RIC3: variants seen among roughly 807,000 people sequenced by gnomAD.
The protein encoded by RIC3 is protein RIC-3.
RIC3 carries 28 observed loss-of-function variants against 27.3 expected under a neutral mutation model. The observed-to-expected ratio is 1.02, with a 90% CI of 0.76 to 1.41. The LOEUF (loss-of-function observed/expected upper bound fraction) is 1.41. Among genes scored for constraint, RIC3 ranks in the 40% most tolerant of loss-of-function variants. The probability of loss-of-function intolerance (pLI) is 0.00; values close to 1 mark genes in which losing one functional copy is unlikely to be tolerated. For missense variants in RIC3, 501 were observed against 444.7 expected (o/e 1.13, Z -1.14); for synonymous variants, 184 against 160.4 (o/e 1.15, Z -1.11).
At chr11:8,145,341 T>C (rs1245204015) in intron 1 of RIC3, among the ~76,000 whole-genome samples, 1 of 152,120 alleles carries the variant, frequency 6.6e-6, no homozygotes, top group African/African-American at 2.4e-5. Flanking sequence ...ATAAGGTTTT[T>C]TCTTTGTTTT....
At chr11:8,098,737 C>T in the RIC3 span, 2 of 1,573,642 alleles carry the variant, frequency 1.3e-6, no homozygotes, top group Non-Finnish European at 8.7e-7. Flanking sequence ...TGACTCTATA[C>T]TGATTGTGCC....
intron 5 of RIC3, among the ~76,000 whole-genome samples, chr11:8,118,922 A>C (rs1946166258): frequency 6.6e-6 from 1 of 152,094 alleles, no homozygotes; most frequent in African/African-American, 2.4e-5. Context: ...CTGAAAACCA[A>C]ATTAGTATAT....
At chr11:8,105,269 A>G (rs1195149356), downstream of RIC3, 1 of 152,220 alleles carries the variant, frequency 6.6e-6, no homozygotes, top group Non-Finnish European at 1.5e-5. Context: ...ACTTCTCCAG[A>G]TAGCTGAATG....
downstream of RIC3, chr11:8,101,890 T>C (rs184942368): frequency 5.7e-4 from 272 of 479,184 alleles, no homozygotes; most frequent in Admixed American, 8.9e-4. Context: ...ACCCTTGGGG[T>C]AGTAGTGTGT....
chr11:8,158,372 C>T (rs1950864936), intron 1 of RIC3, among the ~76,000 whole-genome samples: 1 of 152,076 alleles, frequency 6.6e-6, no homozygotes, highest in Admixed American at 6.5e-5. Context: ...TGCCCAGATA[C>T]AGTGTTACTG....
intron 4 of RIC3, among the ~76,000 whole-genome samples, chr11:8,129,149 T>C (rs1319909868): frequency 1.3e-5 from 2 of 151,980 alleles, no homozygotes; most frequent in East Asian, 2.0e-4. Flanking sequence ...CCATAGACCA[T>C]CCTCTGCTTG....
chr11:8,165,765 G>T (rs1951627478), intron 1 of RIC3, among the ~76,000 whole-genome samples: 1 of 140,748 alleles, frequency 7.1e-6, no homozygotes, highest in African/African-American at 2.7e-5. Flanking sequence ...TGTTTTTTGG[G>T]GTTTTTTTTT....
chr11:8,162,684 C>A (rs1324434469), intron 1 of RIC3, among the ~76,000 whole-genome samples: 1 of 122,234 alleles, frequency 8.2e-6, no homozygotes, highest in Admixed American at 1.0e-4. Flanking sequence ...CTCACTCTGT[C>A]GCCCAGGCTG....
chr11:8,104,894 G>A (rs947763020), downstream of RIC3: 1 of 150,128 alleles, frequency 6.7e-6, no homozygotes, highest in Non-Finnish European at 1.5e-5. Flanking sequence ...CTCCTTCAGT[G>A]ACAAGTAGGG....
the RIC3 span, chr11:8,100,875 T>C: frequency 6.2e-7 from 1 of 1,614,064 alleles, no homozygotes. Flanking sequence ...ACGGAGAGTA[T>C]CATCGAGCTG....
chr11:8,152,375 A>G (rs1011370087), intron 1 of RIC3, among the ~76,000 whole-genome samples: 5 of 152,240 alleles, frequency 3.3e-5, no homozygotes, highest in Non-Finnish European at 7.3e-5. Context: ...ACAACACAGT[A>G]TTATCCAGCC....
At chr11:8,138,754 C>T in intron 2 of RIC3, 1 of 221,994 alleles carries the variant, frequency 4.5e-6, no homozygotes, top group Non-Finnish European at 8.5e-6. Context: ...CTTGTCAAAG[C>T]AAGCATGAGG....
chr11:8,133,189 G>A (rs773481658), intron 4 of RIC3, among the ~76,000 whole-genome samples: 6 of 152,060 alleles, frequency 3.9e-5, no homozygotes, highest in South Asian at 2.1e-4. Flanking sequence ...TTGCCCTTCC[G>A]CCTTTCCACC....
At chr11:8,103,088 C>G (rs777558593), downstream of RIC3, 1 of 152,216 alleles carries the variant, frequency 6.6e-6, no homozygotes, top group Non-Finnish European at 1.5e-5. Context: ...CTGGCCCCTC[C>G]GCGAGGGCTA....
chr11:8,096,882 G>C, the RIC3 span: 2 of 1,541,140 alleles, frequency 1.3e-6, no homozygotes, highest in Admixed American at 1.7e-5. Flanking sequence ...CATGTGAAGA[G>C]ATGGACTCGT....
At chr11:8,117,236 T>C (rs536497512) in intron 5 of RIC3, among the ~76,000 whole-genome samples, 1 of 152,200 alleles carries the variant, frequency 6.6e-6, no homozygotes, top group Admixed American at 6.5e-5. Context: ...CTAGCAAATT[T>C]TTGTATTTTG....
chr11:8,101,449 T>C, downstream of RIC3: 2 of 1,606,872 alleles, frequency 1.2e-6, no homozygotes, highest in Non-Finnish European at 1.7e-6. Flanking sequence ...ATTCCTGTCC[T>C]GTCCTTTTCT....
chr11:8,151,314 G>A (rs941289564), intron 1 of RIC3, among the ~76,000 whole-genome samples: 8 of 152,106 alleles, frequency 5.3e-5, no homozygotes, highest in African/African-American at 1.7e-4. Flanking sequence ...TAGGCCGGGC[G>A]CGGTGGCTCA....
chr11:8,100,866 C>A, the RIC3 span: 9 of 1,614,146 alleles, frequency 5.6e-6, no homozygotes, highest in Non-Finnish European at 7.6e-6. Flanking sequence ...AATAAGAACA[C>A]GGAGAGTATC....
Sources: gnomAD v4.1 joint callset for allele counts (sites outside exome capture counted in the v4.1 genomes callset) on GRCh38, gnomAD v4.1.1 for gene constraint, MANE v1.5 for transcripts, NCBI Gene and HGNC (gene_info 2026-07-23, HGNC 2026-07-21) for gene names.